Variants in FBXO28 observed in about 807,000 individuals in gnomAD.
FBXO28 encodes the protein F-box only protein 28.
In FBXO28, 8 loss-of-function variants were observed where a neutral mutation model predicts 38.1. That is an observed-to-expected ratio of 0.21 (90% confidence interval 0.12 to 0.38). The LOEUF (loss-of-function observed/expected upper bound fraction) is 0.38. Among genes scored for constraint, FBXO28 ranks in the 10% least tolerant of loss-of-function variants. The pLI is 1.00. For synonymous variants in FBXO28, 168 were observed against 173.8 expected, an observed-to-expected ratio of 0.97 and a Z score of 0.26; for missense variants, 345 against 460.6, an observed-to-expected ratio of 0.75 and a Z score of 2.30.
chr1:224,133,550 T>C (rs1003105169), intron 2 of FBXO28, among the ~76,000 whole-genome samples: 2 of 152,154 alleles, frequency 1.3e-5, no homozygotes, highest in East Asian at 1.9e-4. Context: ...GGAGTCTTGC[T>C]CTATCACCCA....
rs966203641 is a variant in FBXO28, at chr1:224,139,074, C to T, written c.516+4862C>T. Among the ~76,000 whole-genome samples, 144 of 151,666 alleles carry T rather than the reference C, an allele frequency of 9.5e-4. 5 individuals carry two copies. The highest frequency in any genetic ancestry group is 2.9e-4 in the African/African-American group (12 of 41,048). ...CTGGGATTACAGATGTGAGCCACTG[C>T]GCCCAGCCCAGTCTCTGCTCTTAAC... On this transcript the variant is annotated intron_variant, in intron 3 of 4. Transcript: ENST00000366862.
chr1:224,132,626 T>G (rs957891635), intron 2 of FBXO28, among the ~76,000 whole-genome samples: 1 of 152,028 alleles, frequency 6.6e-6, no homozygotes, highest in Non-Finnish European at 1.5e-5. Flanking sequence ...GGCAACATGG[T>G]GAAACCCAGT....
rs141509063 is a variant in FBXO28, at chr1:224,150,332, G to A, written c.517-2810G>A. Among the ~76,000 whole-genome samples, 360 of 152,168 alleles carry A rather than the reference G, an allele frequency of 2.4e-3. 9 individuals carry two copies. The highest frequency in any genetic ancestry group is 8.1e-3 in the African/African-American group (337 of 41,476). On this transcript the variant is annotated intron_variant, in intron 3 of 4. Coordinates refer to ENST00000366862, the MANE Select transcript of FBXO28 (RefSeq NM_015176.4). ...CGAAGCTCCGTCTGAAAAAATTATG[G>A]AGTACTGTGGTACTTTTCCTATATA... is the stretch of plus-strand genomic sequence containing the variant.
chr1:224,118,114 C>T (rs956564098), intron 1 of FBXO28, among the ~76,000 whole-genome samples: 1 of 151,722 alleles, frequency 6.6e-6, no homozygotes, highest in African/African-American at 2.4e-5. Flanking sequence ...GCCTTGATTT[C>T]CTGTATTTTT....
chr1:224,149,579 A>G (rs1159502037), intron 3 of FBXO28, among the ~76,000 whole-genome samples: 2 of 152,218 alleles, frequency 1.3e-5, no homozygotes, highest in East Asian at 3.8e-4. Flanking sequence ...AACAATTAAT[A>G]TACTTAACCA....
chr1:224,120,239 AGATT>A (rs1489555233), intron 1 of FBXO28, among the ~76,000 whole-genome samples: 11 of 152,210 alleles, frequency 7.2e-5, no homozygotes, highest in Non-Finnish European at 1.5e-5. Flanking sequence ...CTTGTACTTA[AGATT>A]GATTGAAACA....
rs1657888506 is a variant in FBXO28, at chr1:224,160,780, A to G, written c.*3034A>G. ...CTGAACTTTACAGGGGCTTGCCTTA[A>G]TCTCTATTTAGTAGTTTCAAGATAT... On this transcript the variant is annotated 3_prime_UTR_variant, in exon 5 of 5. Coordinates refer to ENST00000366862, the MANE Select transcript of FBXO28 (RefSeq NM_015176.4). The G allele has an allele frequency of 6.6e-6, 1 of 152,154 alleles. No homozygotes were observed. Among genetic ancestry groups the G allele is most frequent in the Non-Finnish European group, 1.5e-5 (1 of 68,014 alleles). The allele number at this position is 152,154 out of a possible 1,614,324, so 9.4% of individuals were successfully genotyped here. A position where few individuals can be genotyped will look rare whatever the true frequency, so the allele number is the denominator to read the frequency against.
chr1:224,158,049 G>T lies in FBXO28; in HGVS notation c.*303G>T. ...TAAGTTAATTTGTTTCTGCATATATGCACATACATACGTAAGGATCTTAAA... is the reference window on the plus strand; with the variant it reads ...TAAGTTAATTTGTTTCTGCATATATTCACATACATACGTAAGGATCTTAAA... On this transcript the variant is annotated 3_prime_UTR_variant, in exon 5 of 5. Coordinates refer to ENST00000366862, the MANE Select transcript of FBXO28 (RefSeq NM_015176.4). The T allele has an allele frequency of 9.1e-7, 1 of 1,102,226 alleles. No homozygotes were observed. The highest frequency in any genetic ancestry group is 1.1e-6 in the Non-Finnish European group (1 of 905,228). 68.3% of individuals were successfully genotyped at this position (1,102,226 alleles called of 1,614,324 possible).
At chr1:224,152,677 T>C (rs192679519) in intron 3 of FBXO28, among the ~76,000 whole-genome samples, 33 of 152,236 alleles carry the variant, frequency 2.2e-4, no homozygotes, top group Admixed American at 8.5e-4. Context: ...ACACCTGTAA[T>C]CTTTGCACTT....
chr1:224,129,932 G>A (rs1216729495), intron 1 of FBXO28, among the ~76,000 whole-genome samples: 1 of 152,052 alleles, frequency 6.6e-6, no homozygotes, highest in African/African-American at 2.4e-5. Flanking sequence ...GGAGCTTGCA[G>A]TGAGCTAAGA....
In FBXO28 at chr1:224,147,741, A is replaced by G. The variant is rs576637872; in HGVS notation, c.517-5401A>G. Among the ~76,000 whole-genome samples, 126 of 152,090 alleles carry G rather than the reference A, an allele frequency of 8.3e-4. 1 individual carries two copies. The highest frequency in any genetic ancestry group is 5.8e-4 in the East Asian group (3 of 5,172). On this transcript the variant is annotated intron_variant, in intron 3 of 4. Coordinates refer to ENST00000366862, the MANE Select transcript of FBXO28 (RefSeq NM_015176.4). The stretch of plus-strand genomic sequence containing the variant: ...TTGAAAGGTGTAGAAACAGCCATTA[A>G]GAGTTTAAGTGACCTTCCTAAGGCC...
intron 3 of FBXO28, among the ~76,000 whole-genome samples, chr1:224,139,764 G>GCATACATA (rs57108038): frequency 2.3e-3 from 341 of 145,988 alleles, no homozygotes; most frequent in African/African-American, 7.3e-3. Context: ...ATGCATGCAT[G>GCATACATA]CATACATACA....
At chr1:224,154,658 A>G (rs943596976) in intron 4 of FBXO28, among the ~76,000 whole-genome samples, 5 of 148,278 alleles carry the variant, frequency 3.4e-5, no homozygotes, top group African/African-American at 1.2e-4. Flanking sequence ...AATACAAAAA[A>G]TTAGCTGGGC....
chr1:224,122,361 C>G (rs1558186942), intron 1 of FBXO28, among the ~76,000 whole-genome samples: 1 of 152,036 alleles, frequency 6.6e-6, no homozygotes, highest in African/African-American at 2.4e-5. Context: ...TTTACCAAAC[C>G]ATTTGAAAGT....
chr1:224,129,962 C>T (rs1656997464), intron 1 of FBXO28, among the ~76,000 whole-genome samples: 1 of 151,782 alleles, frequency 6.6e-6, no homozygotes, highest in South Asian at 2.1e-4. Context: ...TGCGCTCCAG[C>T]CTGTGCGACA....
At chr1:224,142,439 T>C (rs1335696839) in intron 3 of FBXO28, among the ~76,000 whole-genome samples, 1 of 151,146 alleles carries the variant, frequency 6.6e-6, no homozygotes, top group Non-Finnish European at 1.5e-5. Flanking sequence ...TCATTTGAGC[T>C]CAGGAGTTCT....
intron 3 of FBXO28, among the ~76,000 whole-genome samples, chr1:224,148,427 G>A (rs1572023774): frequency 2.0e-5 from 3 of 152,212 alleles, no homozygotes; most frequent in Admixed American, 2.0e-4. Context: ...GAGGCAGGCG[G>A]ATCATGAGGT....
chr1:224,127,352 GGTAAGAATACCTCA>G (rs1018562804), intron 1 of FBXO28, among the ~76,000 whole-genome samples: 1 of 152,038 alleles, frequency 6.6e-6, no homozygotes, highest in Non-Finnish European at 1.5e-5. Flanking sequence ...AATTTTCTGA[GGTAAGAATACCTCA>G]GTCGATTGAA....
intron 2 of FBXO28, among the ~76,000 whole-genome samples, chr1:224,133,760 C>T (rs912456522): frequency 6.6e-6 from 1 of 152,076 alleles, no homozygotes; most frequent in Non-Finnish European, 1.5e-5. Flanking sequence ...ATCCACCCGC[C>T]TCAGCCTCCT....
Sources: gnomAD v4.1 joint callset for allele counts (sites outside exome capture counted in the v4.1 genomes callset) on GRCh38, gnomAD v4.1.1 for gene constraint, MANE v1.5 for transcripts, NCBI Gene and HGNC (gene_info 2026-07-23, HGNC 2026-07-21) for gene names.